The following RUNDC1 variants were observed in gnomAD, a reference collection of about 807,000 sequenced individuals.
RUNDC1 encodes RUN domain-containing protein 1.
In RUNDC1, 31 loss-of-function variants were observed where a neutral mutation model predicts 49.3. The observed-to-expected ratio is 0.63, with a 90% CI of 0.47 to 0.85. The LOEUF (loss-of-function observed/expected upper bound fraction) is 0.85. RUNDC1 is among the 40% of genes least tolerant of loss of function. The pLI, the probability that RUNDC1 is intolerant of heterozygous loss-of-function variation, is 0.00. For synonymous variants in RUNDC1, 347 were observed against 348.6 expected (o/e 1.00, Z 0.05); for missense variants, 715 against 806.7 (o/e 0.89, Z 1.38).
intron 2 of RUNDC1, 122 bp downstream of exon 2, chr17:42,987,536 C>A: frequency 2.2e-6 from 2 of 893,794 alleles, no homozygotes; most frequent in Non-Finnish European, 3.4e-6. Flanking sequence ...CCTCTGCTGG[C>A]CCAAATCAAA....
At chr17:42,990,495 C>T (rs1483242595) in intron 4 of RUNDC1, 59 bp downstream of exon 4, 2 of 1,566,908 alleles carry the variant, frequency 1.3e-6, no homozygotes, top group Non-Finnish European at 1.7e-6. Flanking sequence ...TGAGTGGTTG[C>T]CTAGGGCTTG....
At chr17:42,990,104 CTT>C (rs2050218763) in intron 3 of RUNDC1, among the ~76,000 whole-genome samples, 2 of 152,202 alleles carry the variant, frequency 1.3e-5, no homozygotes, top group South Asian at 2.1e-4. Context: ...TTCAGTCTCT[CTT>C]GTCATCCATA....
Position 42,991,174 on chromosome 17 carries a change from G to T in RUNDC1, c.1300G>T (p.Val434Leu). ...MAVRKELTVA[V>L]RDLLAHGLYA... ...TGTGCGGAAGGAGCTAACGGTGGCT[G>T]TGAGGGACCTGCTGGCCCATGGACT... Residue 434 changes from valine to leucine, a missense_variant, in exon 5 of 5, where the codon GTG becomes TTG. Coordinates refer to ENST00000361677, the MANE Select transcript of RUNDC1 (RefSeq NM_173079.5). 6.2e-7 allele frequency: 1 copy of T among 1,614,250 alleles called. No individual in the cohort carries two copies.
intron 1 of RUNDC1, among the ~76,000 whole-genome samples, chr17:42,982,902 G>T (rs934758988): frequency 2.0e-5 from 3 of 151,242 alleles, no homozygotes; most frequent in Non-Finnish European, 4.4e-5. Flanking sequence ...CAGGAGAATC[G>T]CTTGAACCTG....
rs962377907 is a variant in RUNDC1 at position 42,985,591 on chromosome 17, TTTG to T, written c.499-1659_499-1657del. 17 of 493,456 alleles carry T rather than the reference TTTG, an allele frequency of 3.4e-5. 1 individual carries two copies. The highest frequency in any genetic ancestry group is 9.7e-5 in the Admixed American group (1 of 10,312). The allele number at this position is 493,456 out of a possible 1,614,324, so 30.6% of individuals were successfully genotyped here. A position where few individuals can be genotyped will look rare whatever the true frequency, so the allele number is the denominator to read the frequency against. On this transcript the variant is annotated intron_variant, in intron 1 of 4. Coordinates refer to ENST00000361677, the MANE Select transcript of RUNDC1 (RefSeq NM_173079.5). ...TTTAAATACTTAAACAAAAAGTTAA[TTTG>T]TTGTTTTCTTTTTTTTTTTTTTTTC... is the stretch of plus-strand genomic sequence containing the variant.
At chr17:42,989,293 C>G (rs772677169) in intron 2 of RUNDC1, 48 bp from the exon 3 acceptor site, 1 of 1,413,082 alleles carries the variant, frequency 7.1e-7, no homozygotes, top group Non-Finnish European at 1.0e-6. Context: ...TCCTAACCCT[C>G]TCCCTAAAAA....
chr17:42,986,788 CG>C (rs2151958611), intron 1 of RUNDC1, among the ~76,000 whole-genome samples: 1 of 152,246 alleles, frequency 6.6e-6, no homozygotes, highest in Non-Finnish European at 1.5e-5. Context: ...CGTGAGCTAC[CG>C]GGCCCGGCCA....
rs749424580 is a variant in RUNDC1 at position 42,990,909 on chromosome 17, G to A, written c.1035G>A (p.Ala345=). 2.7e-5 allele frequency: 43 copies of A among 1,610,686 alleles called. No homozygotes were observed. Among genetic ancestry groups the A allele is most frequent in the Admixed American group, 8.3e-5 (5 of 59,944 alleles). Residue 345 remains alanine (A), a synonymous_variant, in exon 5 of 5, where the codon GCG becomes GCA. Transcript: ENST00000361677. ...CGGGGCTGCACCTGATGCGGCGAGC[G>A]CTGGCCGTGCTCCAGATCTTTGCTG... The part of the protein sequence containing the change: ...RETGLHLMRR[A]LAVLQIFAVS...
chr17:42,988,866 A>G (rs561885645), intron 2 of RUNDC1, among the ~76,000 whole-genome samples: 11 of 152,236 alleles, frequency 7.2e-5, no homozygotes, highest in African/African-American at 2.2e-4. Flanking sequence ...AGTCCCAGCT[A>G]TGGGGGAGAC....
Position 42,980,804 on chromosome 17 carries a change from G to C in RUNDC1, c.228G>C (p.Pro76=). Residue 76 remains proline (P), a synonymous_variant, in exon 1 of 5, where the codon CCG becomes CCC. Coordinates refer to ENST00000361677, the MANE Select transcript of RUNDC1 (RefSeq NM_173079.5). ...GAAPGSPPDS[P]GRTLRRLRAE... ...CCCCGGGCTCCCCGCCGGATTCGCC[G>C]GGCCGGACGCTGCGGCGGCTGCGGG... 2.9e-6 allele frequency: 4 copies of C among 1,384,398 alleles called. No homozygotes were observed. Among genetic ancestry groups the C allele is most frequent in the Non-Finnish European group, 3.7e-6 (4 of 1,081,046 alleles). The allele number at this position is 1,384,398 out of a possible 1,614,324, so 85.8% of individuals were successfully genotyped here. A position where few individuals can be genotyped will look rare whatever the true frequency, so the allele number is the denominator to read the frequency against.
intron 2 of RUNDC1, 47 bp downstream of exon 2, chr17:42,987,461 G>C: frequency 6.3e-7 from 1 of 1,586,812 alleles, no homozygotes; most frequent in African/African-American, 1.3e-5. Flanking sequence ...AGGTTAACTT[G>C]TCCCTTCCAG....
At chr17:42,989,234 T>G in intron 2 of RUNDC1, 107 bp from the exon 3 acceptor site, 1 of 768,050 alleles carries the variant, frequency 1.3e-6, no homozygotes, top group Non-Finnish European at 2.2e-6. Flanking sequence ...AATTTAGAGG[T>G]CTGTTTTTTA....
At chr17:42,986,520 C>T (rs1167961117) in intron 1 of RUNDC1, among the ~76,000 whole-genome samples, 4 of 151,842 alleles carry the variant, frequency 2.6e-5, no homozygotes, top group African/African-American at 7.3e-5. Context: ...TTTTTTGAGA[C>T]GGAGTCTCGC....
chr17:42,981,040 C>A lies in RUNDC1; in HGVS notation c.464C>A (p.Pro155Gln). ...GCCAGCGATGAGGGCGATGGGCTGC[C>A]AGGGGACCGGCCATGGTTGCGGGGC... ...DPASDEGDGL[P>Q]GDRPWLRGED... Residue 155 changes from proline (P) to glutamine (Q), a missense_variant, in exon 1 of 5, where the codon CCA becomes CAA. Pro to Gln is a moderately conservative substitution (Grantham distance 76). Around this residue, in one of 5 missense-constraint regions of RUNDC1, gnomAD observed 113 missense variants for 93.4 expected, o/e 1.21. Coordinates refer to ENST00000361677, the MANE Select transcript of RUNDC1 (RefSeq NM_173079.5). The A allele has an allele frequency of 6.4e-7, 1 of 1,557,810 alleles. No homozygotes were observed. Among genetic ancestry groups the A allele is most frequent in the Non-Finnish European group, 8.6e-7 (1 of 1,159,286 alleles).
Position 42,991,558 on chromosome 17 carries a change from G to A in RUNDC1, c.1684G>A (p.Gly562Arg), listed in dbSNP as rs1597761366. The change falls in exon 5 of 5, where the codon GGG (glycine) becomes AGG (arginine). Residue 562 changes from glycine to arginine, a missense_variant. Physicochemically the swap from Gly to Arg is moderately radical, Grantham distance 125. This residue lies in a region of RUNDC1 where 425 missense variants were observed against 499.7 expected (regional missense o/e 0.85). Coordinates refer to ENST00000361677, the MANE Select transcript of RUNDC1 (RefSeq NM_173079.5). ...VSWVNLICKS[G>R]SLIEPHYQPW... ...CTGGGTGAACCTCATCTGCAAGTCCGGGTCACTCATCGAGCCTCACTACCA... is the reference window on the plus strand; with the variant it reads ...CTGGGTGAACCTCATCTGCAAGTCCAGGTCACTCATCGAGCCTCACTACCA... The A allele has an allele frequency of 6.2e-6, 10 of 1,614,108 alleles. No individual in the cohort carries two copies. In the East Asian group the frequency reaches 6.7e-5, roughly 11 times the overall value.
intron 2 of RUNDC1, among the ~76,000 whole-genome samples, chr17:42,987,820 T>C (rs1206266116): frequency 6.6e-6 from 1 of 152,200 alleles, no homozygotes; most frequent in Non-Finnish European, 1.5e-5. Flanking sequence ...TGGCACAATC[T>C]CAGCTCAACA....
At chr17:42,987,471 G>T (rs1286881107) in intron 2 of RUNDC1, 57 bp downstream of exon 2, 2 of 1,511,714 alleles carry the variant, frequency 1.3e-6, no homozygotes, top group Non-Finnish European at 1.8e-6. Flanking sequence ...GTCCCTTCCA[G>T]CATTCACAGG....
intron 1 of RUNDC1, among the ~76,000 whole-genome samples, chr17:42,983,141 C>G (rs555414512): frequency 1.3e-5 from 2 of 149,874 alleles, no homozygotes; most frequent in African/African-American, 2.5e-5. Flanking sequence ...ATGATCATAC[C>G]GCTGCACTCC....
intron 1 of RUNDC1, 116 bp from the exon 2 acceptor site, chr17:42,987,140 T>G (rs2050181802): frequency 7.4e-6 from 5 of 679,802 alleles, no homozygotes; most frequent in Admixed American, 2.8e-5. Context: ...TGTATTTCAT[T>G]TGGATTATTG....
Sources: allele counts gnomAD v4.1 joint callset (sites outside exome capture counted in the v4.1 genomes callset), GRCh38; gene constraint gnomAD v4.1.1; regional missense constraint gnomAD v4.1.1; transcripts MANE v1.5; gene names NCBI Gene and HGNC (gene_info 2026-07-23, HGNC 2026-07-21).